DPP6: variants seen among roughly 807,000 people sequenced by gnomAD.
The protein encoded by DPP6 is dipeptidyl peptidase like 6, also known as A-type potassium channel modulatory protein DPP6.
In DPP6, 69 loss-of-function variants were observed where a neutral mutation model predicts 122.6. That is an observed-to-expected ratio of 0.56 (90% CI 0.46 to 0.69). The LOEUF (loss-of-function observed/expected upper bound fraction) is 0.69, where lower values mean the gene tolerates loss of function less well. DPP6 is among the 30% of genes least tolerant of loss of function. The pLI, the probability that DPP6 is intolerant of heterozygous loss-of-function variation, is 0.00. For missense variants in DPP6, 928 were observed against 1,116.9 expected (o/e 0.83, Z 2.41); for synonymous variants, 418 against 433.1 (o/e 0.97, Z 0.43).
Position 154,366,331 on chromosome 7 carries a change from C to G in DPP6, c.244-79883C>G, listed in dbSNP as rs1452896739. On this transcript the variant is annotated intron_variant, in intron 1 of 25. Transcript: ENST00000377770. Reference sequence around the variant, plus strand: ...ATTAAAAAGCGGGGAAAAAGATTCCCTGCATCTACAACCAAATACCCCTCC... The same window carrying G: ...ATTAAAAAGCGGGGAAAAAGATTCCGTGCATCTACAACCAAATACCCCTCC... Among the ~76,000 whole-genome samples the G allele has an allele frequency of 8.4e-4, 128 of 152,216 alleles. 1 individual carries two copies. Among genetic ancestry groups the G allele is most frequent in the Non-Finnish European group, 4.4e-5 (3 of 68,044 alleles).
At chr7:154,839,368 C>T (rs1801334288) in intron 16 of DPP6, among the ~76,000 whole-genome samples, 1 of 152,232 alleles carries the variant, frequency 6.6e-6, no homozygotes, top group Non-Finnish European at 1.5e-5. Context: ...CATAGACTCA[C>T]ACAGGGAGCA....
intron 1 of DPP6, among the ~76,000 whole-genome samples, chr7:154,424,094 C>T (rs1817700120): frequency 6.6e-6 from 1 of 152,218 alleles, no homozygotes; most frequent in African/African-American, 2.4e-5. Flanking sequence ...TGTTTTTGCA[C>T]GCCATTAGAG....
rs970873790 is a variant in DPP6, at chr7:154,769,570, A to G, written c.1037A>G (p.Lys346Arg). Residue 346 changes from lysine (K) to arginine (R), a missense_variant and splice_region_variant, in exon 9 of 26, where the codon AAG becomes AGG. Physicochemically the swap from Lys to Arg is conservative, Grantham distance 26. Coordinates refer to ENST00000377770, the MANE Select transcript of DPP6 (RefSeq NM_130797.4). ...ACCGTGAAGCCCTACCACTATCCCA[A>G]GGTAGGCAAAGGGACACCGCACAGC... ...YPTVKPYHYP[K>R]AGSENPSISL... is the part of the protein sequence containing the mutation. 6.3e-7 allele frequency: 1 copy of G among 1,596,000 alleles called. No homozygotes were observed. The highest frequency in any genetic ancestry group is 1.4e-5 in the African/African-American group (1 of 74,004).
intron 1 of DPP6, among the ~76,000 whole-genome samples, chr7:154,135,541 A>G (rs1233901580): frequency 6.6e-6 from 1 of 151,514 alleles, no homozygotes; most frequent in East Asian, 2.0e-4. Context: ...TCCTGTGAGC[A>G]TACACTTTCT....
intron 5 of DPP6, among the ~76,000 whole-genome samples, chr7:154,599,494 TTTA>T (rs144958836): frequency 0.22 from 32,196 of 149,074 alleles, 4,780 homozygotes; most frequent in African/African-American, 0.42. Flanking sequence ...TGGACTTCTT[TTTA>T]TTATTATTAT....
chr7:153,944,469 C>T (rs1002884458), intron 1 of DPP6, among the ~76,000 whole-genome samples: 2 of 151,998 alleles, frequency 1.3e-5, no homozygotes, highest in African/African-American at 2.4e-5. Context: ...TTGGGGACTG[C>T]GGTGGTGACT....
At chr7:154,119,320 G>T (rs1362073335) in intron 1 of DPP6, among the ~76,000 whole-genome samples, 3 of 152,304 alleles carry the variant, frequency 2.0e-5, no homozygotes, top group South Asian at 4.1e-4. Flanking sequence ...ATGAGTTCTG[G>T]TAGAAAGAAA....
intron 1 of DPP6, among the ~76,000 whole-genome samples, chr7:154,309,608 A>G (rs1263191406): frequency 6.6e-6 from 1 of 152,242 alleles, no homozygotes; most frequent in Admixed American, 6.5e-5. Flanking sequence ...TGCAGTAGAT[A>G]CTGAAAGAGA....
chr7:154,746,995 A>G (rs1053024178), intron 8 of DPP6, among the ~76,000 whole-genome samples: 2 of 152,208 alleles, frequency 1.3e-5, no homozygotes, highest in Non-Finnish European at 2.9e-5. Flanking sequence ...GTAGCTGATA[A>G]TATCAGTTAC....
intron 1 of DPP6, among the ~76,000 whole-genome samples, chr7:153,891,182 C>T (rs572705361): frequency 1.2e-3 from 182 of 151,344 alleles, no homozygotes; most frequent in Non-Finnish European, 1.5e-3. Flanking sequence ...CCACCATGCC[C>T]GGCTAATTTT....
chr7:154,482,961 C>G (rs554796690), intron 3 of DPP6, among the ~76,000 whole-genome samples: 1 of 152,074 alleles, frequency 6.6e-6, no homozygotes, highest in Non-Finnish European at 1.5e-5. Flanking sequence ...GAGTGGAAGT[C>G]TATGAGCAAT....
chr7:154,244,101 A>C (rs1010630249), intron 1 of DPP6, among the ~76,000 whole-genome samples: 1 of 151,670 alleles, frequency 6.6e-6, no homozygotes, highest in African/African-American at 2.4e-5. Flanking sequence ...CTATGCCCCA[A>C]GATAACCAAA....
chr7:154,865,496 G>T (rs1283442933), intron 17 of DPP6: 3 of 152,166 alleles, frequency 2.0e-5, no homozygotes, highest in Admixed American at 2.0e-4. Flanking sequence ...ATTAACTTAG[G>T]TGCATCATTA....
intron 7 of DPP6, among the ~76,000 whole-genome samples, chr7:154,711,749 C>G (rs567249948): frequency 6.6e-6 from 1 of 152,244 alleles, no homozygotes; most frequent in Non-Finnish European, 1.5e-5. Flanking sequence ...CTTGATTTTC[C>G]AGAACTAAAA....
upstream of DPP6, among the ~76,000 whole-genome samples, chr7:153,882,264 A>G (rs1273871786): frequency 6.6e-6 from 1 of 152,222 alleles, no homozygotes; most frequent in Admixed American, 6.5e-5. Context: ...TAATGTCTTC[A>G]GTGAAATAGG....
chr7:154,542,039 T>G (rs1828771495), intron 4 of DPP6, among the ~76,000 whole-genome samples: 1 of 152,210 alleles, frequency 6.6e-6, no homozygotes, highest in Non-Finnish European at 1.5e-5. Flanking sequence ...ATACTTTCAT[T>G]TCTTTTCTTT....
At chr7:154,779,186 C>A (rs1447968407) in intron 10 of DPP6, among the ~76,000 whole-genome samples, 7 of 37,708 alleles carry the variant, frequency 1.9e-4, no homozygotes, top group East Asian at 9.5e-4. Context: ...ATCCATCACC[C>A]CCACAACTTC....
chr7:154,611,498 T>C (rs1833905792), intron 5 of DPP6, among the ~76,000 whole-genome samples: 1 of 152,180 alleles, frequency 6.6e-6, no homozygotes, highest in South Asian at 2.1e-4. Context: ...AATTTTTTCT[T>C]GCTTCCTCAT....
chr7:154,627,494 G>A lies in DPP6; in HGVS notation c.628-10327G>A, dbSNP rs186848778. ...ATTACAGACGTGAGCCACCACGCCC[G>A]GCCTTTTTTCCTTTTAAGTCATTAT... On this transcript the variant is annotated intron_variant, in intron 5 of 25. Transcript: ENST00000377770. Among the ~76,000 whole-genome samples, 6 of 152,086 alleles carry A rather than the reference G, an allele frequency of 3.9e-5. No homozygotes were observed. In the East Asian group the frequency reaches 7.7e-4, roughly 20 times the overall value.
Sources: allele counts gnomAD v4.1 joint callset (sites outside exome capture counted in the v4.1 genomes callset), GRCh38; gene constraint gnomAD v4.1.1; transcripts MANE v1.5; gene names NCBI Gene and HGNC (gene_info 2026-07-23, HGNC 2026-07-21).